The following ADAM12 variants were observed in gnomAD, a reference collection of about 807,000 sequenced individuals.
The protein encoded by ADAM12 is ADAM metallopeptidase domain 12.
In ADAM12, 70 loss-of-function variants were observed where a neutral mutation model predicts 106.4. The ratio of observed to expected loss-of-function variants is 0.66; its 90% CI spans 0.54 to 0.80. The LOEUF (loss-of-function observed/expected upper bound fraction) is 0.80. Among genes scored for constraint, ADAM12 ranks in the 30% least tolerant of loss-of-function variants. The pLI, the probability that ADAM12 is intolerant of heterozygous loss-of-function variation, is 0.00. For synonymous variants in ADAM12, 420 were observed against 433.5 expected, an observed-to-expected ratio of 0.97 and a Z score of 0.39; for missense variants, 1,010 against 1,171.9, an observed-to-expected ratio of 0.86 and a Z score of 2.02.
intron 1 of ADAM12, among the ~76,000 whole-genome samples, chr10:126,366,009 C>T (rs377049076): frequency 1.3e-5 from 2 of 152,016 alleles, no homozygotes; most frequent in Non-Finnish European, 2.9e-5. Context: ...GAATATTATA[C>T]GAGGTTTAGA....
At chr10:126,336,265 A>C (rs926702652) in intron 1 of ADAM12, among the ~76,000 whole-genome samples, 4 of 152,172 alleles carry the variant, frequency 2.6e-5, no homozygotes, top group African/African-American at 9.7e-5. Flanking sequence ...TCGTTCTAAA[A>C]ATGAAGTCTA....
At chr10:126,103,175 C>T (rs1955700753) in intron 8 of ADAM12, among the ~76,000 whole-genome samples, 1 of 152,172 alleles carries the variant, frequency 6.6e-6, no homozygotes, top group Non-Finnish European at 1.5e-5. Context: ...TGCATCTCCA[C>T]CTACTAGGCT....
At chr10:126,350,775 TG>T (rs1469916948) in intron 1 of ADAM12, among the ~76,000 whole-genome samples, 1 of 152,008 alleles carries the variant, frequency 6.6e-6, no homozygotes, top group Non-Finnish European at 1.5e-5. Flanking sequence ...ATAGGGTGAG[TG>T]GGAAGTGAGC....
At chr10:126,151,092 TAGTC>T (rs759159260) in intron 4 of ADAM12, among the ~76,000 whole-genome samples, 21 of 152,234 alleles carry the variant, frequency 1.4e-4, no homozygotes, top group Admixed American at 2.0e-4. Context: ...GAATATATTT[TAGTC>T]AGCCTATCTC....
At chr10:126,068,197 T>G (rs1954912311) in intron 12 of ADAM12, among the ~76,000 whole-genome samples, 1 of 152,202 alleles carries the variant, frequency 6.6e-6, no homozygotes. Flanking sequence ...AGGAACTTTT[T>G]TTAAAAAAAG....
chr10:126,163,591 A>ATTACT (rs1956974678), intron 3 of ADAM12, among the ~76,000 whole-genome samples: 1 of 152,180 alleles, frequency 6.6e-6, no homozygotes, highest in Non-Finnish European at 1.5e-5. Flanking sequence ...CCCTTATATA[A>ATTACT]TTTAGTTACA....
At chr10:126,121,378 TATATTATATGCAATATATAATATATTGC>T (rs1956106596) in intron 5 of ADAM12, among the ~76,000 whole-genome samples, 1 of 127,402 alleles carries the variant, frequency 7.8e-6, no homozygotes, top group African/African-American at 3.0e-5. Flanking sequence ...TATGCAATTA[TATATTATATGCAATATATAATATATTGC>T]ATATTATATA....
At position 126,132,527 on chromosome 10, in the gene ADAM12, C is replaced by G. The variant is rs201129197; in HGVS notation, c.416+3057G>C. On this transcript the variant is annotated intron_variant, in intron 5 of 22. Coordinates refer to ENST00000448723, the MANE Select transcript of ADAM12 (RefSeq NM_001288973.2). ...ATCCCAGGAGTGCTGCATGAACACC[C>G]CCCCCCCCTCAACTAGTCCAGTCCC... Among the ~76,000 whole-genome samples the G allele has an allele frequency of 5.1e-3, 607 of 119,628 alleles. 29 individuals carry two copies. The East Asian group carries it at 0.17, about 33-fold the overall frequency. 78.5% of individuals were successfully genotyped at this position (119,628 alleles called of 152,430 possible). A position where few individuals can be genotyped will look rare whatever the true frequency, so the allele number is the denominator to read the frequency against.
chr10:126,249,479 C>A (rs2133678081), intron 3 of ADAM12, among the ~76,000 whole-genome samples: 1 of 152,334 alleles, frequency 6.6e-6, no homozygotes, highest in East Asian at 1.9e-4. Flanking sequence ...GCGGGAGGAT[C>A]ACGAGGTCAG....
chr10:126,039,570 A>G, intron 18 of ADAM12, 141 bp from the exon 19 acceptor site: 1 of 983,210 alleles, frequency 1.0e-6, no homozygotes, highest in South Asian at 1.6e-5. Context: ...GTACTAATAA[A>G]CTGTCTTACT....
chr10:126,101,297 G>A (rs1198027482), intron 8 of ADAM12, 56 bp from the exon 9 acceptor site: 33 of 1,563,176 alleles, frequency 2.1e-5, no homozygotes, highest in South Asian at 4.6e-5. Context: ...ATAAAAACTC[G>A]AAATGAAAAT....
intron 2 of ADAM12, among the ~76,000 whole-genome samples, chr10:126,281,009 C>T (rs934101628): frequency 6.6e-6 from 1 of 152,114 alleles, no homozygotes; most frequent in Non-Finnish European, 1.5e-5. Flanking sequence ...TTCTTATGCC[C>T]TTACAGGTAT....
At chr10:126,359,257 C>T (rs980346372) in intron 1 of ADAM12, among the ~76,000 whole-genome samples, 22 of 152,124 alleles carry the variant, frequency 1.4e-4, no homozygotes, top group Admixed American at 7.9e-4. Flanking sequence ...CTGGCTCCTC[C>T]GAAATCGCAT....
intron 11 of ADAM12, among the ~76,000 whole-genome samples, chr10:126,073,264 T>G (rs1227123071): frequency 6.6e-6 from 1 of 152,092 alleles, no homozygotes; most frequent in Non-Finnish European, 1.5e-5. Flanking sequence ...AATTTTGTAT[T>G]TTTAGTAGAG....
At chr10:126,186,015 T>C in intron 3 of ADAM12, among the ~76,000 whole-genome samples, 1 of 152,194 alleles carries the variant, frequency 6.6e-6, no homozygotes, top group East Asian at 1.9e-4. Flanking sequence ...CTGACCTCTA[T>C]CCGGAATGAC....
intron 3 of ADAM12, among the ~76,000 whole-genome samples, chr10:126,261,595 T>A (rs1959002507): frequency 6.6e-6 from 1 of 152,196 alleles, no homozygotes; most frequent in Non-Finnish European, 1.5e-5. Context: ...AGGAACCGTG[T>A]GTTATTCATC....
intron 1 of ADAM12, among the ~76,000 whole-genome samples, chr10:126,331,147 A>G (rs1466712874): frequency 1.3e-5 from 2 of 152,216 alleles, no homozygotes; most frequent in South Asian, 4.1e-4. Flanking sequence ...CACAGGTTCA[A>G]TTTAGACCCA....
At chr10:126,335,408 A>C (rs1189781058) in intron 1 of ADAM12, among the ~76,000 whole-genome samples, 2 of 152,318 alleles carry the variant, frequency 1.3e-5, no homozygotes, top group South Asian at 2.1e-4. Context: ...GAAAGCAAAA[A>C]GTTGGGGCAG....
At chr10:126,172,313 A>G (rs1957133533) in intron 3 of ADAM12, among the ~76,000 whole-genome samples, 1 of 152,174 alleles carries the variant, frequency 6.6e-6, no homozygotes, top group Non-Finnish European at 1.5e-5. Flanking sequence ...GCATTGTTTG[A>G]CCTGGAACTT....
Sources: allele counts gnomAD v4.1 joint callset (sites outside exome capture counted in the v4.1 genomes callset), GRCh38; gene constraint gnomAD v4.1.1; transcripts MANE v1.5; gene names NCBI Gene and HGNC (gene_info 2026-07-23, HGNC 2026-07-21).